UEVLD: variants seen among roughly 807,000 people sequenced by gnomAD.
The protein encoded by UEVLD is ubiquitin-conjugating enzyme E2 variant 3.
Under a neutral mutation model 58.6 loss-of-function variants are expected in UEVLD, and 47 were observed. The observed-to-expected ratio is 0.80, with a 90% CI of 0.63 to 1.02. The LOEUF (loss-of-function observed/expected upper bound fraction) is 1.02, where lower values mean the gene tolerates loss of function less well. Among genes scored for constraint, UEVLD ranks in the 50% least tolerant of loss-of-function variants. UEVLD has a pLI of 0.00. For synonymous variants in UEVLD, 197 were observed against 195.3 expected (o/e 1.01, Z -0.07); for missense variants, 510 against 550.6 (o/e 0.93, Z 0.74).
intron 2 of UEVLD, among the ~76,000 whole-genome samples, chr11:18,576,482 C>T (rs1007762939): frequency 1.3e-5 from 2 of 152,002 alleles, no homozygotes; most frequent in South Asian, 2.1e-4. Context: ...GCCAAGATCA[C>T]ACCACTGTAC....
rs1471275617 is a variant in UEVLD, at chr11:18,583,321, A to G, written c.43-4513T>C. Among the ~76,000 whole-genome samples the G allele has an allele frequency of 2.0e-5, 3 of 151,398 alleles. No homozygotes were observed. The East Asian group carries it at 5.8e-4, about 30-fold the overall frequency. On this transcript the variant is annotated intron_variant, in intron 1 of 11. Transcript: ENST00000396197. Reference sequence around the variant, plus strand: ...CTGCAACCTCCGCCTCCCGGGTTCAAGCAATTCTCCTGCCTGAGCCTCCCA... The same window carrying G: ...CTGCAACCTCCGCCTCCCGGGTTCAGGCAATTCTCCTGCCTGAGCCTCCCA...
At chr11:18,544,840 A>G in intron 8 of UEVLD, 44 bp from the exon 9 acceptor site, 11 of 1,413,222 alleles carry the variant, frequency 7.8e-6, no homozygotes, top group Non-Finnish European at 1.0e-5. Flanking sequence ...GTTAAAAAAT[A>G]TATACTTCTA....
intron 1 of UEVLD, among the ~76,000 whole-genome samples, chr11:18,579,923 T>C (rs1429436343): frequency 6.6e-6 from 1 of 151,496 alleles, no homozygotes; most frequent in Non-Finnish European, 1.5e-5. Context: ...AAAAATAAAA[T>C]AGACCAAAGT....
In UEVLD at chr11:18,532,379, C is replaced by T. The variant is rs748592484; in HGVS notation, c.1357G>A (p.Glu453Lys). 1.9e-6 allele frequency: 3 copies of T among 1,613,646 alleles called. No homozygotes were observed. Among genetic ancestry groups the T allele is most frequent in the Non-Finnish European group, 2.5e-6 (3 of 1,179,844 alleles). Residue 453 changes from glutamate to lysine, a missense_variant, in exon 12 of 12, where the codon GAG becomes AAG. Transcript: ENST00000396197. Reference protein sequence around the residue: ...KTTLKEDTVTEKLQSSASSIH... With the variant: ...KTTLKEDTVTKKLQSSASSIH... ...GAGGATGCACTGCTTTGGAGTTTCT[C>T]AGTAACTGTATCTTCTTTCAGTGTG...
chr11:18,562,024 C>G (rs1241957765), intron 6 of UEVLD, among the ~76,000 whole-genome samples: 1 of 152,142 alleles, frequency 6.6e-6, no homozygotes, highest in Admixed American at 6.6e-5. Flanking sequence ...ATCACTGTTG[C>G]AGTCATAATA....
At chr11:18,552,856 C>T (rs953978853) in intron 7 of UEVLD, among the ~76,000 whole-genome samples, 3 of 145,814 alleles carry the variant, frequency 2.1e-5, no homozygotes, top group African/African-American at 7.6e-5. Context: ...GACTTGGTCT[C>T]AAAAAGAAAA....
At chr11:18,577,575 T>C (rs953335965) in intron 2 of UEVLD, among the ~76,000 whole-genome samples, 1 of 152,046 alleles carries the variant, frequency 6.6e-6, no homozygotes, top group African/African-American at 2.4e-5. Flanking sequence ...AGTGTCTTCA[T>C]AAAAGAGCCC....
chr11:18,544,844 A>G, intron 8 of UEVLD, 48 bp from the exon 9 acceptor site: 1 of 1,378,434 alleles, frequency 7.3e-7, no homozygotes, highest in East Asian at 2.6e-5. Flanking sequence ...AAAAATATAT[A>G]CTTCTAGCCT....
At position 18,536,536 on chromosome 11, in the gene UEVLD, T is replaced by A. The variant is rs1174610936; in HGVS notation, c.1061-67A>T. ...CTTTGGATTAAGATGTGATAACAGA[T>A]CTTTTGGAGTCAAGGGTACCTGTGC... is the stretch of plus-strand genomic sequence containing the variant. On this transcript the variant is annotated intron_variant, in intron 9 of 11. Transcript: ENST00000396197. 1.8e-5 allele frequency: 24 copies of A among 1,335,286 alleles called. No homozygotes were observed. In the African/African-American group the frequency reaches 2.3e-4, roughly 13 times the overall value. The allele number at this position is 1,335,286 out of a possible 1,614,324, so 82.7% of individuals were successfully genotyped here.
chr11:18,563,423 T>G lies in UEVLD; in HGVS notation c.612+1469A>C, dbSNP rs183500641. On this transcript the variant is annotated intron_variant, in intron 6 of 11. Coordinates refer to ENST00000396197, the MANE Select transcript of UEVLD (RefSeq NM_001040697.4). ...CTGGGCAACATGGTGAAACTCTGTCTCTACAAAAAAATACAAGAATTAGTG... is the reference window on the plus strand; with the variant it reads ...CTGGGCAACATGGTGAAACTCTGTCGCTACAAAAAAATACAAGAATTAGTG... Among the ~76,000 whole-genome samples, 353 of 151,914 alleles carry G rather than the reference T, an allele frequency of 2.3e-3. 3 individuals are homozygous for G. The highest frequency in any genetic ancestry group is 0.01 in the Middle Eastern group (3 of 292).
intron 7 of UEVLD, among the ~76,000 whole-genome samples, chr11:18,555,400 T>C (rs1438897298): frequency 2.7e-5 from 4 of 150,354 alleles, no homozygotes; most frequent in African/African-American, 7.4e-5. Context: ...CATTCCAGCC[T>C]GGGTGAAAGT....
At chr11:18,575,730 T>C (rs905208730) in intron 2 of UEVLD, among the ~76,000 whole-genome samples, 1 of 152,202 alleles carries the variant, frequency 6.6e-6, no homozygotes, top group Admixed American at 6.5e-5. Flanking sequence ...AGTTTTATCA[T>C]CTATAAAATA....
intron 4 of UEVLD, among the ~76,000 whole-genome samples, chr11:18,567,031 T>C (rs181202676): frequency 2.0e-5 from 3 of 152,236 alleles, no homozygotes; most frequent in Admixed American, 1.3e-4. Context: ...GCTTGTTTAG[T>C]CTTTCTCTCT....
At chr11:18,532,514 T>C in intron 11 of UEVLD, 27 bp from the exon 12 acceptor site, 1 of 1,540,538 alleles carries the variant, frequency 6.5e-7, no homozygotes, top group African/African-American at 1.4e-5. Flanking sequence ...AGGGATTTAA[T>C]AGAACTAAAT....
chr11:18,588,442 G>C (rs1853700309), intron 1 of UEVLD, among the ~76,000 whole-genome samples, 171 bp downstream of exon 1: 2 of 152,262 alleles, frequency 1.3e-5, no homozygotes, highest in African/African-American at 4.8e-5. Context: ...CAGAATCCAG[G>C]TCCCCTCAGC....
chr11:18,572,662 G>C (rs1300831101), intron 3 of UEVLD, among the ~76,000 whole-genome samples: 2 of 152,012 alleles, frequency 1.3e-5, no homozygotes, highest in African/African-American at 4.8e-5. Flanking sequence ...AAATTAGCTG[G>C]GCATGGTGGT....
At chr11:18,588,533 A>G in intron 1 of UEVLD, 80 bp downstream of exon 1, 1 of 1,535,330 alleles carries the variant, frequency 6.5e-7, no homozygotes, top group Non-Finnish European at 8.8e-7. Flanking sequence ...GAAACGCAAA[A>G]CGGAGGCAAC....
At chr11:18,553,697 C>T (rs1315485500) in intron 7 of UEVLD, among the ~76,000 whole-genome samples, 2 of 152,198 alleles carry the variant, frequency 1.3e-5, no homozygotes, top group African/African-American at 4.8e-5. Context: ...GATGCACTGA[C>T]ACGTGCCACA....
chr11:18,560,146 GAA>G (rs1851969095), intron 6 of UEVLD, among the ~76,000 whole-genome samples: 3 of 50,480 alleles, frequency 5.9e-5, no homozygotes, highest in African/African-American at 1.1e-4. Flanking sequence ...CACAGAGAGA[GAA>G]AGAAAATAAC....
Sources: gnomAD v4.1 joint callset for allele counts (sites outside exome capture counted in the v4.1 genomes callset) on GRCh38, gnomAD v4.1.1 for gene constraint, MANE v1.5 for transcripts, NCBI Gene and HGNC (gene_info 2026-07-23, HGNC 2026-07-21) for gene names.